Variants in CAMK2B observed in about 807,000 individuals in gnomAD.
CAMK2B encodes the protein calcium/calmodulin dependent protein kinase II beta.
A neutral mutation model predicts 93.7 loss-of-function variants in CAMK2B; 27 were observed. The ratio of observed to expected loss-of-function variants is 0.29; its 90% CI spans 0.21 to 0.40. The LOEUF (loss-of-function observed/expected upper bound fraction) is 0.40. Among genes scored for constraint, CAMK2B ranks in the 10% least tolerant of loss-of-function variants. The pLI is 1.00. For missense variants in CAMK2B, 568 were observed against 895.8 expected (o/e 0.63, Z 4.67); for synonymous variants, 374 against 358.8 (o/e 1.04, Z -0.48).
chr7:44,309,808 C>A (rs1793003078), intron 1 of CAMK2B, among the ~76,000 whole-genome samples: 2 of 151,942 alleles, frequency 1.3e-5, no homozygotes, highest in Admixed American at 6.5e-5. Context: ...ATTCCGACGC[C>A]AGCACCGTAG....
intron 5 of CAMK2B, 41 bp downstream of exon 5, chr7:44,254,500 TA>T: frequency 6.9e-7 from 1 of 1,458,414 alleles, no homozygotes; most frequent in Non-Finnish European, 9.6e-7. Flanking sequence ...GGTGAGGGTA[TA>T]AAGGAAGAGG....
At chr7:44,317,475 G>A (rs1220864645) in intron 1 of CAMK2B, among the ~76,000 whole-genome samples, 1 of 152,178 alleles carries the variant, frequency 6.6e-6, no homozygotes, top group East Asian at 1.9e-4. Context: ...TTGTACAGAT[G>A]GGGTTTTGCC....
intron 10 of CAMK2B, 101 bp downstream of exon 10, chr7:44,242,117 T>C: frequency 2.1e-6 from 3 of 1,404,052 alleles, no homozygotes; most frequent in Non-Finnish European, 2.9e-6. Context: ...AGCTCTTGGA[T>C]GTCAGGAACA....
intron 1 of CAMK2B, among the ~76,000 whole-genome samples, chr7:44,288,026 T>G (rs1401198113): frequency 1.3e-5 from 2 of 151,942 alleles, no homozygotes; most frequent in Admixed American, 1.3e-4. Flanking sequence ...GAGCATGGAG[T>G]TGCTGGGCCT....
At chr7:44,288,390 A>G (rs2129127521) in intron 1 of CAMK2B, among the ~76,000 whole-genome samples, 1 of 152,360 alleles carries the variant, frequency 6.6e-6, no homozygotes, top group Middle Eastern at 3.4e-3. Flanking sequence ...CATCCCAGGC[A>G]GCTGTAAGGG....
chr7:44,229,354 T>G, intron 18 of CAMK2B, 34 bp downstream of exon 18: 2 of 1,424,122 alleles, frequency 1.4e-6, no homozygotes, highest in African/African-American at 1.4e-5. Context: ...CCCTCCAACA[T>G]GACCCCCACA....
At position 44,311,248 on chromosome 7, in the gene CAMK2B, G is replaced by A. The variant is rs564756145; in HGVS notation, c.65+14109C>T. Among the ~76,000 whole-genome samples the A allele has an allele frequency of 6.6e-6, 1 of 152,010 alleles. No homozygotes were observed. The highest frequency in any genetic ancestry group is 1.5e-5 in the Non-Finnish European group (1 of 67,992). ...ATGCCACCACGCCTGGCACATTTTT[G>A]TATTTTTAGTAGACATGGGGTTTCA... On this transcript the variant is annotated intron_variant, in intron 1 of 23. Transcript: ENST00000395749. This position sits in a 1 kb window ranked among gnomAD's most constrained non-coding sequence, Gnocchi z 4.2.
At chr7:44,320,982 G>T (rs548615235) in intron 1 of CAMK2B, among the ~76,000 whole-genome samples, 1 of 152,304 alleles carries the variant, frequency 6.6e-6, no homozygotes, top group African/African-American at 2.4e-5. Flanking sequence ...CAAAAGGAGA[G>T]CCAGGGCAGG....
In CAMK2B at chr7:44,225,718, AG is replaced by A. The variant is rs1562785300; in HGVS notation, c.1597+797del. 2 of 1,288,244 alleles carry A rather than the reference AG, an allele frequency of 1.6e-6. No individual in the cohort carries two copies. Among genetic ancestry groups the A allele is most frequent in the Non-Finnish European group, 2.0e-6 (2 of 987,876 alleles). The allele number at this position is 1,288,244 out of a possible 1,614,324, so 79.8% of individuals were successfully genotyped here. A position where few individuals can be genotyped will look rare whatever the true frequency, so the allele number is the denominator to read the frequency against. On this transcript the variant is annotated intron_variant, in intron 20 of 23. Coordinates refer to ENST00000395749, the MANE Select transcript of CAMK2B (RefSeq NM_001220.5). This position sits in a 1 kb window ranked among gnomAD's most constrained non-coding sequence, Gnocchi z 5.0. ...AGCAGCCCCCAGGCCCAGCCTGCAG[AG>A]GGGACGGTGGCAAGCAGACCCCACC...
Position 44,234,628 on chromosome 7 carries a change from T to C in CAMK2B, c.1059+11A>G. ...GCTCCCCGGCACCACAGGGCCCGGC[T>C]GGAGCCTCACCTTGACTCCATCTGC... On this transcript the variant is annotated intron_variant, in intron 14 of 23. Coordinates refer to ENST00000395749, the MANE Select transcript of CAMK2B (RefSeq NM_001220.5). The C allele has an allele frequency of 6.2e-7, 1 of 1,614,004 alleles. No individual in the cohort carries two copies. Among genetic ancestry groups the C allele is most frequent in the Non-Finnish European group, 8.5e-7 (1 of 1,179,880 alleles).
intron 3 of CAMK2B, among the ~76,000 whole-genome samples, chr7:44,262,298 C>G (rs4724296): frequency 6.6e-6 from 1 of 152,174 alleles, no homozygotes; most frequent in African/African-American, 2.4e-5. Flanking sequence ...CAGGTGCCTC[C>G]GAGGCCAAGA....
intron 1 of CAMK2B, among the ~76,000 whole-genome samples, chr7:44,306,195 T>TG (rs1465210784): frequency 5.9e-5 from 9 of 152,012 alleles, no homozygotes; most frequent in Non-Finnish European, 8.8e-5. Flanking sequence ...CCAGTCTGAC[T>TG]GGGGGTTCTG....
chr7:44,247,573 C>T (rs372651630), intron 5 of CAMK2B, among the ~76,000 whole-genome samples: 10 of 151,258 alleles, frequency 6.6e-5, no homozygotes, highest in South Asian at 2.1e-4. Flanking sequence ...GTGAGCAGGC[C>T]GGGCGAGCGG....
chr7:44,318,283 C>T (rs1476074952), intron 1 of CAMK2B, among the ~76,000 whole-genome samples: 2 of 152,252 alleles, frequency 1.3e-5, no homozygotes, highest in Non-Finnish European at 2.9e-5. Context: ...TACTGCATTT[C>T]ACCGGGTGAC....
intron 1 of CAMK2B, among the ~76,000 whole-genome samples, chr7:44,290,042 C>T (rs1168498402): frequency 1.3e-5 from 2 of 152,200 alleles, no homozygotes; most frequent in Non-Finnish European, 2.9e-5. Flanking sequence ...AGTTCACAGG[C>T]ATGCGCACAC....
intron 3 of CAMK2B, among the ~76,000 whole-genome samples, chr7:44,262,750 G>A (rs2096890076): frequency 1.3e-5 from 2 of 152,170 alleles, no homozygotes; most frequent in Non-Finnish European, 2.9e-5. Context: ...CAGTCGGGTG[G>A]AGCTGGGCAC....
intron 16 of CAMK2B, among the ~76,000 whole-genome samples, chr7:44,232,230 G>A (rs1583927562): frequency 6.6e-6 from 1 of 152,208 alleles, no homozygotes; most frequent in African/African-American, 2.4e-5. Flanking sequence ...CCCAGGCCTA[G>A]GTGGGAGCTG....
At chr7:44,269,572 G>A (rs2096953822) in intron 2 of CAMK2B, among the ~76,000 whole-genome samples, 1 of 152,116 alleles carries the variant, frequency 6.6e-6, no homozygotes. Context: ...TGGTGAGTGA[G>A]AGGAACCAGG....
At chr7:44,319,265 G>A (rs1187200410) in intron 1 of CAMK2B, among the ~76,000 whole-genome samples, 3 of 152,108 alleles carry the variant, frequency 2.0e-5, no homozygotes, top group Non-Finnish European at 4.4e-5. Context: ...GTGGCATCAC[G>A]GAACACAGGG....
Sources: gnomAD v4.1 joint callset for allele counts (sites outside exome capture counted in the v4.1 genomes callset) on GRCh38, gnomAD v4.1.1 for gene constraint, Gnocchi (gnomAD v3.1) non-coding constraint, MANE v1.5 for transcripts, NCBI Gene and HGNC (gene_info 2026-07-23, HGNC 2026-07-21) for gene names.